Variants in RILPL1 observed in about 807,000 individuals in gnomAD.
RILPL1 encodes Rab interacting lysosomal protein like 1.
A neutral mutation model predicts 50.3 loss-of-function variants in RILPL1; 33 were observed. The observed-to-expected ratio is 0.66, with a 90% CI of 0.50 to 0.88. RILPL1 has a LOEUF of 0.88. RILPL1 is among the 40% of genes least tolerant of loss of function. RILPL1 has a pLI of 0.00. For missense variants in RILPL1, 418 were observed against 542.5 expected, an observed-to-expected ratio of 0.77 and a Z score of 2.28; for synonymous variants, 205 against 228.6, an observed-to-expected ratio of 0.90 and a Z score of 0.93.
At chr12:123,499,391 G>A (rs1183701982) in intron 3 of RILPL1, 27 bp downstream of exon 3, 1 of 1,537,842 alleles carries the variant, frequency 6.5e-7, no homozygotes, top group African/African-American at 1.4e-5. Flanking sequence ...TGGGAGGGTG[G>A]ACGCAGGTCA....
intron 6 of RILPL1, among the ~76,000 whole-genome samples, chr12:123,478,705 C>T (rs1881762807): frequency 6.6e-6 from 1 of 152,164 alleles, no homozygotes; most frequent in Admixed American, 6.6e-5. Flanking sequence ...CCCTGCTTCC[C>T]CGGTCCCCCC....
intron 4 of RILPL1, among the ~76,000 whole-genome samples, chr12:123,493,654 C>T (rs1882839248): frequency 6.6e-6 from 1 of 152,172 alleles, no homozygotes; most frequent in South Asian, 2.1e-4. Context: ...AAACCCCTGA[C>T]CCCAGCCACA....
Position 123,499,673 on chromosome 12 carries a change from AC to A in RILPL1, c.461-138del, listed in dbSNP as rs1458364515. ...CCCAGCCTCATCCTCTCCACTCTCC[AC>A]TCACGCCCTTCGCCCTCCCCGGTGC... On this transcript the variant is annotated intron_variant, in intron 2 of 6. Coordinates refer to ENST00000376874, the MANE Select transcript of RILPL1 (RefSeq NM_178314.5). The A allele has an allele frequency of 2.0e-5, 13 of 664,688 alleles. No individual in the cohort carries two copies. The East Asian group carries it at 3.6e-4, about 18-fold the overall frequency. The allele number at this position is 664,688 out of a possible 1,614,324, so 41.2% of individuals were successfully genotyped here.
chr12:123,527,246 A>G (rs1885293288), intron 1 of RILPL1, among the ~76,000 whole-genome samples: 1 of 152,040 alleles, frequency 6.6e-6, no homozygotes, highest in South Asian at 2.1e-4. Flanking sequence ...TGGGAGGATC[A>G]CTTGAGCCCC....
intron 1 of RILPL1, among the ~76,000 whole-genome samples, chr12:123,529,888 G>A (rs199851140): frequency 5.2e-5 from 5 of 96,008 alleles, no homozygotes; most frequent in Non-Finnish European, 4.8e-5. Context: ...AAAAAAAAAA[G>A]GAGAAAAAAA....
chr12:123,494,922 G>A (rs1488668197), intron 4 of RILPL1, among the ~76,000 whole-genome samples: 1 of 152,218 alleles, frequency 6.6e-6, no homozygotes, highest in Non-Finnish European at 1.5e-5. Context: ...GCAGACGACA[G>A]CTGTTGTCTC....
intron 1 of RILPL1, among the ~76,000 whole-genome samples, chr12:123,524,632 T>C (rs889624733): frequency 6.6e-6 from 1 of 152,154 alleles, no homozygotes; most frequent in Non-Finnish European, 1.5e-5. Context: ...TGCTACAACA[T>C]AGGTGGACCC....
intron 4 of RILPL1, among the ~76,000 whole-genome samples, chr12:123,495,243 A>G (rs1882949654): frequency 6.6e-6 from 1 of 152,112 alleles, no homozygotes; most frequent in Admixed American, 6.6e-5. Context: ...GCACAGAGGA[A>G]AGCAGGGCCT....
At chr12:123,524,530 G>A (rs547239521) in intron 1 of RILPL1, among the ~76,000 whole-genome samples, 1 of 152,270 alleles carries the variant, frequency 6.6e-6, no homozygotes, top group South Asian at 2.1e-4. Flanking sequence ...AAGGAGCCAA[G>A]TGTCCATCAG....
chr12:123,490,141 C>G (rs932674696), intron 4 of RILPL1, among the ~76,000 whole-genome samples: 2 of 152,056 alleles, frequency 1.3e-5, no homozygotes, highest in Non-Finnish European at 2.9e-5. Flanking sequence ...TCAGACAGCT[C>G]GGGTCCTGCC....
chr12:123,531,825 T>C (rs1308184573), intron 1 of RILPL1, among the ~76,000 whole-genome samples: 1 of 152,210 alleles, frequency 6.6e-6, no homozygotes, highest in African/African-American at 2.4e-5. Context: ...TGGTAGGGTT[T>C]GAAACCAGGC....
intron 2 of RILPL1, among the ~76,000 whole-genome samples, chr12:123,510,768 G>C (rs1402458949): frequency 1.1e-5 from 1 of 90,848 alleles, no homozygotes; most frequent in African/African-American, 3.9e-5. Flanking sequence ...GTGAATGTGG[G>C]GTCTGTGTGT....
chr12:123,521,594 TATTAATATATATAC>T (rs1885022151), intron 2 of RILPL1, among the ~76,000 whole-genome samples: 2 of 21,578 alleles, frequency 9.3e-5, no homozygotes, highest in Non-Finnish European at 1.9e-4. Context: ...TGTATATATA[TATTAATATATATAC>T]ACACATATGT....
At chr12:123,506,405 G>A (rs1320001023) in intron 2 of RILPL1, among the ~76,000 whole-genome samples, 1 of 152,178 alleles carries the variant, frequency 6.6e-6, no homozygotes, top group African/African-American at 2.4e-5. Flanking sequence ...GGAGCCTCAG[G>A]GTCTCAACAT....
At chr12:123,523,431 G>A (rs1015704260) in intron 2 of RILPL1, 64 bp downstream of exon 2, 14 of 1,594,318 alleles carry the variant, frequency 8.8e-6, no homozygotes, top group African/African-American at 5.4e-5. Context: ...GGCGACAATC[G>A]CTGATGTGGG....
intron 2 of RILPL1, among the ~76,000 whole-genome samples, chr12:123,511,960 A>G (rs1391404168): frequency 2.2e-5 from 1 of 45,808 alleles, no homozygotes; most frequent in Non-Finnish European, 4.1e-5. Context: ...GTGTGGTGTG[A>G]GATCTGTGTG....
chr12:123,500,605 C>G (rs373604499), intron 2 of RILPL1, among the ~76,000 whole-genome samples: 2 of 152,016 alleles, frequency 1.3e-5, no homozygotes, highest in South Asian at 4.2e-4. Flanking sequence ...TTTTATCTGA[C>G]GAAAGATGAC....
chr12:123,512,377 CTGAGGTCTGTGTGTGTGGTGTG>C (rs1884369060), intron 2 of RILPL1, among the ~76,000 whole-genome samples: 2 of 41,648 alleles, frequency 4.8e-5, no homozygotes, highest in Non-Finnish European at 4.6e-5. Flanking sequence ...TGTGGTGTGT[CTGAGGTCTGTGTGTGTGGTGTG>C]TGAGGTCTGT....
chr12:123,488,165 A>C (rs765437028), intron 4 of RILPL1, among the ~76,000 whole-genome samples: 4 of 152,120 alleles, frequency 2.6e-5, no homozygotes, highest in African/African-American at 4.8e-5. Flanking sequence ...TAGGCCCGGC[A>C]CCGTGGCTCA....
Sources: gnomAD v4.1 joint callset for allele counts (sites outside exome capture counted in the v4.1 genomes callset) on GRCh38, gnomAD v4.1.1 for gene constraint, MANE v1.5 for transcripts, NCBI Gene and HGNC (gene_info 2026-07-23, HGNC 2026-07-21) for gene names.